LRP1B: variants seen among roughly 807,000 people sequenced by gnomAD.
LRP1B encodes LDL receptor related protein 1B.
In LRP1B, 217 loss-of-function variants were observed where a neutral mutation model predicts 556.6. That is an observed-to-expected ratio of 0.39 (90% CI 0.35 to 0.44). The LOEUF (loss-of-function observed/expected upper bound fraction) is 0.44, where lower values mean the gene tolerates loss of function less well. Ranked by LOEUF, LRP1B falls within the 20% of genes least tolerant of loss-of-function variation. LRP1B has a pLI of 1.00. For synonymous variants in LRP1B, 2,047 were observed against 1,865.8 expected, an observed-to-expected ratio of 1.10 and a Z score of -2.50; for missense variants, 5,053 against 5,620.8, an observed-to-expected ratio of 0.90 and a Z score of 3.23.
At chr2:140,521,667 A>G (rs1376992859) in intron 49 of LRP1B, among the ~76,000 whole-genome samples, 6 of 152,026 alleles carry the variant, frequency 3.9e-5, no homozygotes, top group Admixed American at 1.3e-4. Context: ...CTACAACAAG[A>G]ATAAAATCTC....
At chr2:140,620,340 T>G (rs2105248879) in intron 41 of LRP1B, among the ~76,000 whole-genome samples, 1 of 152,360 alleles carries the variant, frequency 6.6e-6, no homozygotes, top group South Asian at 2.1e-4. Context: ...ATTTGCTTAG[T>G]CTGTCAGTCA....
intron 3 of LRP1B, among the ~76,000 whole-genome samples, chr2:141,304,475 A>ATT (rs67213971): frequency 2.3e-4 from 19 of 83,854 alleles, no homozygotes; most frequent in African/African-American, 8.8e-4. Flanking sequence ...AGTTTCATTC[A>ATT]TTTTTTTTTT....
chr2:141,153,225 A>T (rs972562207), intron 7 of LRP1B, among the ~76,000 whole-genome samples: 40 of 135,524 alleles, frequency 3.0e-4, no homozygotes, highest in African/African-American at 1.0e-3. Context: ...ACATATATAT[A>T]TTATATATAT....
chr2:140,912,749 A>T (rs549257299), intron 21 of LRP1B, among the ~76,000 whole-genome samples: 4 of 151,860 alleles, frequency 2.6e-5, no homozygotes, highest in African/African-American at 9.6e-5. Flanking sequence ...TTTAAAAAAA[A>T]TCCCCAAAAC....
intron 2 of LRP1B, among the ~76,000 whole-genome samples, chr2:141,645,859 A>C (rs1199070043): frequency 6.6e-6 from 1 of 152,072 alleles, no homozygotes; most frequent in Non-Finnish European, 1.5e-5. Flanking sequence ...ATAAATAAAT[A>C]ACTACAAGCC....
chr2:141,144,737 A>C lies in LRP1B; in HGVS notation c.1013+43684T>G, dbSNP rs1195791425. ...AAGCACCGCAAGGCACCATCATTAA[A>C]GTCACCATCTGGCATAACTGGAAAT... is the stretch of plus-strand genomic sequence containing the variant. On this transcript the variant is annotated intron_variant, in intron 7 of 90. Transcript: ENST00000389484. Among the ~76,000 whole-genome samples, 3 of 152,202 alleles carry C rather than the reference A, an allele frequency of 2.0e-5. 1 individual carries two copies. Among genetic ancestry groups the C allele is most frequent in the Non-Finnish European group, 1.5e-5 (1 of 68,032 alleles).
intron 1 of LRP1B, among the ~76,000 whole-genome samples, chr2:141,864,708 C>G: frequency 6.6e-6 from 1 of 152,054 alleles, no homozygotes; most frequent in African/African-American, 2.4e-5. Context: ...GGTGAAACCC[C>G]GTCTCTACTA....
chr2:140,282,908 A>G (rs77331176), intron 84 of LRP1B, among the ~76,000 whole-genome samples: 3,051 of 151,954 alleles, frequency 0.02, 39 homozygotes, highest in Non-Finnish European at 0.034. Context: ...GGGTCACTCT[A>G]AGCAAATAAG....
chr2:140,906,688 T>C (rs1406771426), intron 22 of LRP1B, among the ~76,000 whole-genome samples: 1 of 152,096 alleles, frequency 6.6e-6, no homozygotes, highest in Non-Finnish European at 1.5e-5. Context: ...TTTAAGAGTA[T>C]TAATAATTTC....
At chr2:141,713,141 G>T (rs975845360) in intron 2 of LRP1B, among the ~76,000 whole-genome samples, 29 of 150,024 alleles carry the variant, frequency 1.9e-4, no homozygotes, top group Non-Finnish European at 3.2e-4. Context: ...ACCCACCTTG[G>T]CCTCCCAAAG....
chr2:140,886,164 T>C lies in LRP1B; in HGVS notation c.3938A>G (p.Tyr1313Cys), dbSNP rs2105192065. 2 of 1,604,578 alleles carry C rather than the reference T, an allele frequency of 1.2e-6. 1 individual carries two copies. The highest frequency in any genetic ancestry group is 2.2e-5 in the South Asian group (2 of 89,284). Residue 1313 changes from tyrosine to cysteine, a missense_variant, in exon 24 of 91, where the codon TAC (tyrosine) becomes TGC (cysteine). Physicochemically the swap from Tyr to Cys is radical, Grantham distance 194. This residue lies in a region of LRP1B where 3,619 missense variants were observed against 3,931.9 expected (regional missense o/e 0.92). Transcript: ENST00000389484. ...YWTDVVEDRI[Y>C]RGKLSESGGV... ...TCCACTTTCAGAAAGCTTTCCCCGG[T>C]ATATTCTGTCTTCTACAACATCTGT...
intron 7 of LRP1B, among the ~76,000 whole-genome samples, chr2:141,120,123 T>C (rs765968917): frequency 9.2e-5 from 14 of 152,070 alleles, no homozygotes; most frequent in Non-Finnish European, 1.5e-4. Flanking sequence ...AGCAGACATT[T>C]AACCCACTGA....
At chr2:140,572,451 T>C (rs1483068766) in intron 43 of LRP1B, among the ~76,000 whole-genome samples, 1 of 151,508 alleles carries the variant, frequency 6.6e-6, no homozygotes, top group Non-Finnish European at 1.5e-5. Context: ...TAAGATATCA[T>C]CTCACCCCAG....
intron 26 of LRP1B, 119 bp downstream of exon 26, chr2:140,867,980 A>T: frequency 7.6e-7 from 1 of 1,311,396 alleles, no homozygotes; most frequent in Non-Finnish European, 1.0e-6. Context: ...AGCAAAAAAA[A>T]AATACACCTC....
intron 1 of LRP1B, among the ~76,000 whole-genome samples, chr2:142,073,209 G>A (rs1473344529): frequency 6.6e-6 from 1 of 151,950 alleles, no homozygotes; most frequent in East Asian, 1.9e-4. Flanking sequence ...AAGAGCATCA[G>A]CCTAGGTCTT....
intron 41 of LRP1B, among the ~76,000 whole-genome samples, chr2:140,634,626 A>C (rs1190430022): frequency 6.6e-6 from 1 of 152,094 alleles, no homozygotes; most frequent in Non-Finnish European, 1.5e-5. Context: ...ATACTTATAA[A>C]TTATGTTGGT....
At chr2:142,110,690 GT>G (rs1706956862) in intron 1 of LRP1B, among the ~76,000 whole-genome samples, 1 of 152,106 alleles carries the variant, frequency 6.6e-6, no homozygotes, top group Non-Finnish European at 1.5e-5. Context: ...TCATACAATT[GT>G]TAATGATTTC....
At chr2:141,711,486 G>T (rs1223942999) in intron 2 of LRP1B, among the ~76,000 whole-genome samples, 1 of 152,220 alleles carries the variant, frequency 6.6e-6, no homozygotes, top group Non-Finnish European at 1.5e-5. Context: ...GAGAGCTAGA[G>T]AGTGAGCATG....
At chr2:141,818,959 G>T (rs1696661814) in intron 1 of LRP1B, among the ~76,000 whole-genome samples, 1 of 151,608 alleles carries the variant, frequency 6.6e-6, no homozygotes, top group Non-Finnish European at 1.5e-5. Context: ...AAAACTTTCT[G>T]GCCAGGTGCG....
Sources: allele counts gnomAD v4.1 joint callset (sites outside exome capture counted in the v4.1 genomes callset), GRCh38; gene constraint gnomAD v4.1.1; regional missense constraint gnomAD v4.1.1; transcripts MANE v1.5; gene names NCBI Gene and HGNC (gene_info 2026-07-23, HGNC 2026-07-21).